Variants in TAFA1 observed in about 807,000 individuals in gnomAD.
TAFA1 encodes the protein TAFA chemokine like family member 1.
A neutral mutation model predicts 18.5 loss-of-function variants in TAFA1; 4 were observed. That is an observed-to-expected ratio of 0.22 (90% CI 0.11 to 0.49). The LOEUF is 0.49. Among genes scored for constraint, TAFA1 ranks in the 20% least tolerant of loss-of-function variants. TAFA1 has a pLI of 0.98. For missense variants in TAFA1, 147 were observed against 169.0 expected (o/e 0.87, Z 0.72); for synonymous variants, 56 against 55.2 (o/e 1.01, Z -0.06).
intron 2 of TAFA1, among the ~76,000 whole-genome samples, chr3:68,085,442 G>T (rs1400958849): frequency 6.6e-6 from 1 of 152,184 alleles, no homozygotes; most frequent in African/African-American, 2.4e-5. Flanking sequence ...CACATTTTGA[G>T]CATGCCAAGG....
At chr3:68,017,624 A>G (rs76398914) in intron 2 of TAFA1, among the ~76,000 whole-genome samples, 10,279 of 152,308 alleles carry the variant, frequency 0.067, 570 homozygotes, top group South Asian at 0.23. Flanking sequence ...TTTTCATTAA[A>G]AAAGAAGAAA....
chr3:68,426,512 A>C (rs13069343), intron 3 of TAFA1, among the ~76,000 whole-genome samples: 1 of 151,778 alleles, frequency 6.6e-6, no homozygotes, highest in Non-Finnish European at 1.5e-5. Flanking sequence ...CATGGAAAAA[A>C]TGCTTACCGT....
intron 2 of TAFA1, among the ~76,000 whole-genome samples, chr3:68,296,626 T>C (rs1413068799): frequency 6.6e-6 from 1 of 152,174 alleles, no homozygotes; most frequent in Non-Finnish European, 1.5e-5. Context: ...AACTGGCTTT[T>C]AGGTCTCTCT....
At chr3:68,305,375 G>T (rs2068386007) in intron 2 of TAFA1, among the ~76,000 whole-genome samples, 1 of 100,706 alleles carries the variant, frequency 9.9e-6, no homozygotes, top group Non-Finnish European at 2.0e-5. Context: ...ATATATAAAT[G>T]GCTATATATA....
intron 2 of TAFA1, among the ~76,000 whole-genome samples, chr3:68,177,481 G>C (rs1310315815): frequency 6.6e-6 from 1 of 152,112 alleles, no homozygotes; most frequent in Non-Finnish European, 1.5e-5. Context: ...GTCATCCTGA[G>C]ACTTCTAGCT....
intron 2 of TAFA1, among the ~76,000 whole-genome samples, chr3:68,301,444 T>G (rs1055217387): frequency 6.6e-6 from 1 of 152,274 alleles, no homozygotes; most frequent in African/African-American, 2.4e-5. Flanking sequence ...GAGTGGTTTT[T>G]TAAACTTAGA....
chr3:68,033,525 G>C (rs746347811), intron 2 of TAFA1, among the ~76,000 whole-genome samples: 17 of 152,136 alleles, frequency 1.1e-4, no homozygotes, highest in Non-Finnish European at 1.6e-4. Context: ...GTTTAAACAA[G>C]AACATTCTCC....
intron 2 of TAFA1, among the ~76,000 whole-genome samples, chr3:68,314,889 T>C (rs2068582476): frequency 1.3e-5 from 2 of 150,028 alleles, no homozygotes; most frequent in African/African-American, 4.9e-5. Flanking sequence ...GGTCATAAGA[T>C]ATTTATACAC....
chr3:68,274,681 G>A (rs2067758502), intron 2 of TAFA1, among the ~76,000 whole-genome samples: 1 of 152,136 alleles, frequency 6.6e-6, no homozygotes, highest in Non-Finnish European at 1.5e-5. Flanking sequence ...AAAGTAGTGA[G>A]GATTTTTGGT....
intron 3 of TAFA1, among the ~76,000 whole-genome samples, chr3:68,475,644 G>C (rs2072078824): frequency 6.6e-6 from 1 of 152,164 alleles, no homozygotes; most frequent in South Asian, 2.1e-4. Flanking sequence ...CTTTATAGCA[G>C]CATGATTTAT....
chr3:68,431,754 G>T (rs1215002436), intron 3 of TAFA1, among the ~76,000 whole-genome samples: 1 of 152,010 alleles, frequency 6.6e-6, no homozygotes, highest in East Asian at 1.9e-4. Flanking sequence ...AGCAGGATGA[G>T]TCGCAGACAA....
At chr3:68,320,327 G>C (rs2068679961) in intron 2 of TAFA1, among the ~76,000 whole-genome samples, 1 of 152,154 alleles carries the variant, frequency 6.6e-6, no homozygotes, top group African/African-American at 2.4e-5. Context: ...CATGCTTTCA[G>C]ATATACTCAT....
intron 2 of TAFA1, among the ~76,000 whole-genome samples, chr3:68,207,021 C>T (rs1041631114): frequency 3.3e-5 from 5 of 151,770 alleles, no homozygotes; most frequent in African/African-American, 1.2e-4. Flanking sequence ...CAAAAAGTTC[C>T]CTAAATATTA....
intron 2 of TAFA1, among the ~76,000 whole-genome samples, chr3:68,050,176 G>C (rs2064449728): frequency 6.6e-6 from 1 of 152,172 alleles, no homozygotes; most frequent in Admixed American, 6.6e-5. Context: ...AGGAAACATA[G>C]ATTGGGAAGT....
At chr3:68,060,908 A>G (rs1338937611) in intron 2 of TAFA1, among the ~76,000 whole-genome samples, 1 of 152,224 alleles carries the variant, frequency 6.6e-6, no homozygotes, top group Non-Finnish European at 1.5e-5. Flanking sequence ...AAGTCTCACC[A>G]TCACAAACCA....
intron 2 of TAFA1, among the ~76,000 whole-genome samples, chr3:68,411,877 T>C (rs2070725956): frequency 3.3e-5 from 5 of 152,150 alleles, no homozygotes; most frequent in Admixed American, 3.3e-4. Context: ...GTCTGCTAGG[T>C]CTGTTACAAT....
chr3:68,175,709 T>A (rs1292818351), intron 2 of TAFA1, among the ~76,000 whole-genome samples: 2 of 152,192 alleles, frequency 1.3e-5, no homozygotes, highest in Non-Finnish European at 2.9e-5. Flanking sequence ...TTGTCTCAGA[T>A]AAGACTTTGG....
chr3:68,170,404 G>A (rs940399422), intron 2 of TAFA1, among the ~76,000 whole-genome samples: 13 of 152,144 alleles, frequency 8.5e-5, no homozygotes, highest in African/African-American at 3.1e-4. Context: ...CAGGGTGTTT[G>A]TCAAAAATAA....
At chr3:67,998,580 A>G in the TAFA1 span, among the ~76,000 whole-genome samples, 1 of 152,216 alleles carries the variant, frequency 6.6e-6, no homozygotes, top group Non-Finnish European at 1.5e-5. Flanking sequence ...TTGCTGGAGG[A>G]AGCTAGGAAT....
Sources: allele counts gnomAD v4.1 joint callset (sites outside exome capture counted in the v4.1 genomes callset), GRCh38; gene constraint gnomAD v4.1.1; transcripts MANE v1.5; gene names NCBI Gene and HGNC (gene_info 2026-07-23, HGNC 2026-07-21).